The following ATAD2 variants were observed in gnomAD, a reference collection of about 807,000 sequenced individuals.
ATAD2 encodes ATPase family AAA domain-containing protein 2.
Under a neutral mutation model 168.9 loss-of-function variants are expected in ATAD2, and 62 were observed. The ratio of observed to expected loss-of-function variants is 0.37; its 90% confidence interval spans 0.30 to 0.45. The LOEUF is 0.45. Ranked by LOEUF, ATAD2 falls within the 20% of genes least tolerant of loss-of-function variation. The pLI is 1.00. For synonymous variants in ATAD2, 613 were observed against 571.6 expected (o/e 1.07, Z -1.03); for missense variants, 1,419 against 1,667.8 (o/e 0.85, Z 2.60).
chr8:123,354,864 A>AAAAAATATATAT (rs1554644338), intron 13 of ATAD2, among the ~76,000 whole-genome samples: 2 of 64,714 alleles, frequency 3.1e-5, no homozygotes, highest in African/African-American at 1.7e-4. Context: ...AAAAAAAAAA[A>AAAAAATATATAT]ATATATATAT....
At chr8:123,339,562 T>C in intron 19 of ATAD2, 116 bp from the exon 20 acceptor site, 1 of 936,178 alleles carries the variant, frequency 1.1e-6, no homozygotes, top group South Asian at 1.7e-5. Context: ...ATGTATTCAG[T>C]ATGTCCCTCC....
chr8:123,357,503 TCA>T, intron 12 of ATAD2, 57 bp downstream of exon 12: 1 of 1,418,288 alleles, frequency 7.1e-7, no homozygotes, highest in African/African-American at 1.5e-5. Context: ...TATCTAATCC[TCA>T]CACACATCTG....
At position 123,352,900 on chromosome 8, in the gene ATAD2, AAAAC is replaced by A. The variant is rs372932301; in HGVS notation, c.1647-3460_1647-3457del. Among the ~76,000 whole-genome samples the A allele has an allele frequency of 6.1e-4, 93 of 151,648 alleles. 1 individual carries two copies. The East Asian group carries it at 0.016, about 27-fold the overall frequency. ...GCAACAGAGACTTCATCTTTACTAA[AAAAC>A]AAACAAACAAACAACCAAAACCCAG... On this transcript the variant is annotated intron_variant, in intron 13 of 27. Transcript: ENST00000287394.
rs756792539 is a variant in ATAD2 at position 123,347,079 on chromosome 8, T to C, written c.2212+13A>G. 2 of 1,587,354 alleles carry C rather than the reference T, an allele frequency of 1.3e-6. No homozygotes were observed. Among genetic ancestry groups the C allele is most frequent in the South Asian group, 2.3e-5 (2 of 87,550 alleles). ...ATAAAAACTAACTTTAAATGGTCAA[T>C]CAAGTTTTATACCTGAGTCTAATGT... is the stretch of plus-strand genomic sequence containing the variant. On this transcript the variant is annotated intron_variant, in intron 16 of 27. Transcript: ENST00000287394.
At chr8:123,396,119 C>T (rs1387049941) in intron 1 of ATAD2, 68 bp downstream of exon 1, 21 of 1,470,432 alleles carry the variant, frequency 1.4e-5, no homozygotes, top group Non-Finnish European at 1.8e-5. Context: ...CCAGGCCCCT[C>T]CGAGCGCCGG....
At chr8:123,334,986 T>C (rs529075740) in intron 22 of ATAD2, among the ~76,000 whole-genome samples, 1 of 152,222 alleles carries the variant, frequency 6.6e-6, no homozygotes, top group African/African-American at 2.4e-5. Context: ...CAGGGCAAGG[T>C]CGAAGTAGTG....
At chr8:123,395,177 A>AC (rs1323718101) in intron 1 of ATAD2, among the ~76,000 whole-genome samples, 1 of 151,770 alleles carries the variant, frequency 6.6e-6, no homozygotes, top group Non-Finnish European at 1.5e-5. Flanking sequence ...GCCTACCCTC[A>AC]CTCACTCCAA....
At chr8:123,396,463 G>A (rs2129996047), upstream of ATAD2, 6 of 1,266,024 alleles carry the variant, frequency 4.7e-6, no homozygotes, top group Non-Finnish European at 4.2e-6. Flanking sequence ...CACAAGCTCC[G>A]CGCCAGCGGC....
At chr8:123,388,636 G>A (rs866456243) in intron 1 of ATAD2, among the ~76,000 whole-genome samples, 12 of 152,016 alleles carry the variant, frequency 7.9e-5, no homozygotes, top group Admixed American at 7.2e-4. Flanking sequence ...CACCTGCCTC[G>A]GCCTCCTAAA....
chr8:123,331,996 C>G (rs2131289775), intron 24 of ATAD2, among the ~76,000 whole-genome samples: 1 of 152,266 alleles, frequency 6.6e-6, no homozygotes, highest in East Asian at 1.9e-4. Context: ...GTTTAAATTT[C>G]TCTTGACTGC....
intron 13 of ATAD2, 89 bp from the exon 14 acceptor site, chr8:123,349,533 G>A (rs183207637): frequency 6.0e-5 from 76 of 1,267,648 alleles, no homozygotes; most frequent in Admixed American, 3.4e-4. Context: ...AAGATTTAAC[G>A]CATTACATGT....
At chr8:123,389,087 C>A (rs563049531) in intron 1 of ATAD2, among the ~76,000 whole-genome samples, 12 of 151,176 alleles carry the variant, frequency 7.9e-5, no homozygotes, top group African/African-American at 2.7e-4. Context: ...CTGCCACGGC[C>A]TCTAAAGTAG....
chr8:123,395,067 G>A (rs1363290448), intron 1 of ATAD2, among the ~76,000 whole-genome samples: 1 of 152,202 alleles, frequency 6.6e-6, no homozygotes, highest in Non-Finnish European at 1.5e-5. Flanking sequence ...CTGAACTGAA[G>A]AGGATTACAT....
chr8:123,339,468 A>T, intron 19 of ATAD2, 22 bp from the exon 20 acceptor site: 1 of 1,543,814 alleles, frequency 6.5e-7, no homozygotes, highest in Non-Finnish European at 8.8e-7. Context: ...AAATAAATGC[A>T]ATATATATCA....
In ATAD2 at chr8:123,369,093, T is replaced by C; in HGVS notation, c.1014A>G (p.Ala338=). Residue 338 remains alanine, a synonymous_variant, in exon 8 of 28, where the codon GCA becomes GCG. Coordinates refer to ENST00000287394, the MANE Select transcript of ATAD2 (RefSeq NM_014109.4). ...PARPRYRLSS[A]GPRSPYCKRM... is the part of the protein sequence containing the mutation. The stretch of plus-strand genomic sequence containing the variant: ...GTTTACAGTAAGGACTTCTTGGTCC[T>C]GCGGAAGATAATCGGTATCTTGGTC... 17 of 1,596,558 alleles carry C rather than the reference T, an allele frequency of 1.1e-5. No homozygotes were observed. The highest frequency in any genetic ancestry group is 1.5e-5 in the Non-Finnish European group (17 of 1,168,456).
chr8:123,387,789 A>G (rs952927273), intron 1 of ATAD2, among the ~76,000 whole-genome samples: 1 of 152,240 alleles, frequency 6.6e-6, no homozygotes, highest in Admixed American at 6.5e-5. Context: ...ACACAGTTGC[A>G]TAATAAAAAT....
At chr8:123,372,514 C>T (rs899986495) in intron 3 of ATAD2, 123 bp downstream of exon 3, 4 of 744,732 alleles carry the variant, frequency 5.4e-6, no homozygotes, top group South Asian at 5.3e-5. Flanking sequence ...CATATACTTA[C>T]GTTAAAACCT....
chr8:123,373,528 C>T (rs897480502), intron 2 of ATAD2, among the ~76,000 whole-genome samples: 1 of 152,068 alleles, frequency 6.6e-6, no homozygotes, highest in South Asian at 2.1e-4. Flanking sequence ...GTAGTTCACA[C>T]CTGTAATCTC....
chr8:123,395,015 G>T (rs1366640199), intron 1 of ATAD2, among the ~76,000 whole-genome samples: 1 of 152,158 alleles, frequency 6.6e-6, no homozygotes, highest in African/African-American at 2.4e-5. Context: ...CTAAATACAA[G>T]ATCTTAATAG....
Sources: allele counts gnomAD v4.1 joint callset (sites outside exome capture counted in the v4.1 genomes callset), GRCh38; gene constraint gnomAD v4.1.1; transcripts MANE v1.5; gene names NCBI Gene and HGNC (gene_info 2026-07-23, HGNC 2026-07-21).